The following CLEC17A variants were observed in gnomAD, a reference collection of about 807,000 sequenced individuals.
CLEC17A encodes C-type lectin domain containing 17A.
Under a neutral mutation model 61.3 loss-of-function variants are expected in CLEC17A, and 37 were observed. The observed-to-expected ratio is 0.60, with a 90% CI of 0.46 to 0.79. The LOEUF (loss-of-function observed/expected upper bound fraction) is 0.79, where lower values mean the gene tolerates loss of function less well. Ranked by LOEUF, CLEC17A falls within the 30% of genes least tolerant of loss-of-function variation. The probability of loss-of-function intolerance (pLI) is 0.00; values close to 1 mark genes in which losing one functional copy is unlikely to be tolerated. For synonymous variants in CLEC17A, 168 were observed against 164.9 expected, an observed-to-expected ratio of 1.02 and a Z score of -0.14; for missense variants, 418 against 464.7, an observed-to-expected ratio of 0.90 and a Z score of 0.92.
chr19:14,582,420 G>A (rs2074193221), upstream of CLEC17A, among the ~76,000 whole-genome samples: 1 of 151,664 alleles, frequency 6.6e-6, no homozygotes, highest in South Asian at 2.1e-4. Flanking sequence ...CACTGTGTAA[G>A]CCAGGATGGT....
intron 2 of CLEC17A, among the ~76,000 whole-genome samples, chr19:14,586,457 C>G (rs1382039839): frequency 6.6e-6 from 1 of 151,618 alleles, no homozygotes; most frequent in African/African-American, 2.4e-5. Flanking sequence ...GGGTCTCCCT[C>G]TGTTGCCCAG....
chr19:14,600,208 A>C, intron 12 of CLEC17A, 26 bp downstream of exon 12: 2 of 1,612,118 alleles, frequency 1.2e-6, no homozygotes, highest in Non-Finnish European at 1.7e-6. Flanking sequence ...TGAACCTTTG[A>C]GAACCTTCAG....
chr19:14,600,573 A>C (rs1033357640), intron 12 of CLEC17A, among the ~76,000 whole-genome samples: 2 of 150,906 alleles, frequency 1.3e-5, no homozygotes, highest in African/African-American at 4.9e-5. Context: ...GGAAGAGTTT[A>C]TTTCTTTTCT....
chr19:14,587,233 ATGTGTGTGTG>A (rs3049160), intron 2 of CLEC17A, among the ~76,000 whole-genome samples: 11 of 145,308 alleles, frequency 7.6e-5, no homozygotes, highest in East Asian at 2.0e-4. Context: ...CCAGAGAAAG[ATGTGTGTGTG>A]TGTGTGTGTG....
rs368987032 is a variant in CLEC17A at position 14,583,487 on chromosome 19, C to T, written c.121+53C>T. The T allele has an allele frequency of 3.4e-5, 54 of 1,608,776 alleles. No individual in the cohort carries two copies. The African/African-American group carries it at 6.8e-4, about 20-fold the overall frequency. ...GGGGGAATACAGGGAATGGGGTCTC[C>T]AGTGGGCATTGGTTGGGCATTGTAG... On this transcript the variant is annotated intron_variant, in intron 2 of 13. Transcript: ENST00000417570.
At chr19:14,599,076 T>C (rs1438896913) in intron 10 of CLEC17A, among the ~76,000 whole-genome samples, 1 of 144,300 alleles carries the variant, frequency 6.9e-6, no homozygotes, top group African/African-American at 2.6e-5. Context: ...CTCTGTATCT[T>C]TGCTTTTTTT....
intron 2 of CLEC17A, among the ~76,000 whole-genome samples, chr19:14,585,586 A>C (rs1316149003): frequency 1.3e-5 from 2 of 150,612 alleles, no homozygotes; most frequent in Admixed American, 6.7e-5. Flanking sequence ...GGTGGCTTCT[A>C]TCTTTGCCTC....
chr19:14,592,960 C>T (rs2074457700), intron 4 of CLEC17A, among the ~76,000 whole-genome samples: 1 of 152,230 alleles, frequency 6.6e-6, no homozygotes, highest in East Asian at 1.9e-4. Flanking sequence ...GCCACCACGC[C>T]TGGCCGAGCA....
At chr19:14,599,475 C>T (rs550641962) in intron 10 of CLEC17A, among the ~76,000 whole-genome samples, 36 of 152,268 alleles carry the variant, frequency 2.4e-4, no homozygotes, top group Middle Eastern at 3.4e-3. Context: ...TTAAAACCCA[C>T]TTCTTTCAGG....
chr19:14,593,166 T>C (rs948307309), intron 4 of CLEC17A, among the ~76,000 whole-genome samples: 2 of 151,996 alleles, frequency 1.3e-5, no homozygotes, highest in Non-Finnish European at 2.9e-5. Flanking sequence ...AACAAGAATC[T>C]GATCAGAGGA....
chr19:14,608,711 G>A (rs1200730234), intron 13 of CLEC17A, among the ~76,000 whole-genome samples: 4 of 143,050 alleles, frequency 2.8e-5, no homozygotes, highest in African/African-American at 1.1e-4. Flanking sequence ...TTGACCCAAT[G>A]CAACCTCTGC....
At chr19:14,587,233 A>ATGTGTG (rs3049160) in intron 2 of CLEC17A, among the ~76,000 whole-genome samples, 28 of 145,406 alleles carry the variant, frequency 1.9e-4, no homozygotes, top group Middle Eastern at 3.6e-3. Context: ...CCAGAGAAAG[A>ATGTGTG]TGTGTGTGTG....
At chr19:14,599,070 G>C (rs1272974642) in intron 10 of CLEC17A, among the ~76,000 whole-genome samples, 1 of 118,406 alleles carries the variant, frequency 8.4e-6, no homozygotes, top group African/African-American at 3.2e-5. Flanking sequence ...ACTTGCCTCT[G>C]TATCTTTGCT....
chr19:14,594,226 GAGATCACGCCACTGCACTCC>G (rs1330437855), intron 4 of CLEC17A, among the ~76,000 whole-genome samples: 1 of 151,568 alleles, frequency 6.6e-6, no homozygotes, highest in Non-Finnish European at 1.5e-5. Flanking sequence ...TCAGTGAGAT[GAGATCACGCCACTGCACTCC>G]AGTCTGAGCA....
intron 2 of CLEC17A, among the ~76,000 whole-genome samples, chr19:14,587,035 G>T (rs9305043): frequency 0.086 from 13,022 of 151,246 alleles, 703 homozygotes; most frequent in African/African-American, 0.15. Context: ...ATTACAGGCA[G>T]GCACCACCAC....
At chr19:14,591,345 A>G (rs1193133734) in intron 3 of CLEC17A, among the ~76,000 whole-genome samples, 2 of 151,488 alleles carry the variant, frequency 1.3e-5, no homozygotes, top group African/African-American at 2.4e-5. Context: ...TAGTAGAGAC[A>G]GGGTTTCACC....
Position 14,592,316 on chromosome 19 carries a change from G to A in CLEC17A, c.235G>A (p.Glu79Lys), listed in dbSNP as rs779700308. Residue 79 changes from glutamate (E) to lysine (K), a missense_variant, in exon 4 of 14, where the codon GAG (glutamate) becomes AAG (lysine). By Grantham distance (56) the Glu-to-Lys change is moderately conservative (BLOSUM62 1). Coordinates refer to ENST00000417570, the MANE Select transcript of CLEC17A (RefSeq NM_001204118.2). Reference sequence around the variant, plus strand: ...GGAGGAGGAGGAGGATGATGACTATGAGAACTCAACACCTCCCTACAAGGA... The same window carrying A: ...GGAGGAGGAGGAGGATGATGACTATAAGAACTCAACACCTCCCTACAAGGA... ...MEEEEEDDDYENSTPPYKDLP... is the reference protein window; with the variant it reads ...MEEEEEDDDYKNSTPPYKDLP... The A allele has an allele frequency of 5.0e-6, 8 of 1,604,024 alleles. No homozygotes were observed. The highest frequency in any genetic ancestry group is 1.3e-5 in the African/African-American group (1 of 74,690).
chr19:14,595,190 C>T lies in CLEC17A; in HGVS notation c.404-84C>T, dbSNP rs547248684. ...CACAGCCAGCCCCCTAAATTCTGAC[C>T]AGAGAACAAAACAGAGGTTGTTGAT... On this transcript the variant is annotated intron_variant, in intron 7 of 13. Coordinates refer to ENST00000417570, the MANE Select transcript of CLEC17A (RefSeq NM_001204118.2). 2.8e-4 allele frequency: 423 copies of T among 1,511,580 alleles called. 4 individuals carry two copies. The African/African-American group carries it at 5.2e-3, about 19-fold the overall frequency. The allele number at this position is 1,511,580 out of a possible 1,614,324, so 93.6% of individuals were successfully genotyped here.
At chr19:14,601,718 A>G (rs1293402077) in intron 12 of CLEC17A, among the ~76,000 whole-genome samples, 2 of 152,106 alleles carry the variant, frequency 1.3e-5, no homozygotes, top group African/African-American at 2.4e-5. Flanking sequence ...TCCTAGGCTC[A>G]AGCAATTCTT....
Sources: gnomAD v4.1 joint callset for allele counts (sites outside exome capture counted in the v4.1 genomes callset) on GRCh38, gnomAD v4.1.1 for gene constraint, MANE v1.5 for transcripts, NCBI Gene and HGNC (gene_info 2026-07-23, HGNC 2026-07-21) for gene names.